The following KIF6 variants were observed in gnomAD, a reference collection of about 807,000 sequenced individuals.
KIF6 encodes the protein kinesin family member 6.
In KIF6, 106 loss-of-function variants were observed where a neutral mutation model predicts 112.7. The observed-to-expected ratio is 0.94, with a 90% CI of 0.80 to 1.11. KIF6 has a LOEUF of 1.11. Ranked by LOEUF, KIF6 falls within the 50% of genes least tolerant of loss-of-function variation. KIF6 has a pLI of 0.00. For synonymous variants in KIF6, 339 were observed against 339.9 expected, an observed-to-expected ratio of 1.00 and a Z score of 0.03; for missense variants, 929 against 964.0, an observed-to-expected ratio of 0.96 and a Z score of 0.48.
intron 13 of KIF6, among the ~76,000 whole-genome samples, chr6:39,537,490 C>T (rs1354295670): frequency 6.6e-6 from 1 of 151,578 alleles, no homozygotes; most frequent in Non-Finnish European, 1.5e-5. Flanking sequence ...AATAAAATAC[C>T]TAGGAATCCA....
chr6:39,596,083 T>TATAC lies in KIF6; in HGVS notation c.813_816dup (p.Ile273ValfsTer27). ...TCTAAGTAATGTAGTGACAAGTTGA[T>TATAC]ATACTTGGCCTCTGTTAGAAGATGG... On this transcript the variant is annotated frameshift_variant, in exon 7 of 23. Transcript: ENST00000287152. LOFTEE classifies it high-confidence loss of function. 1 of 1,614,006 alleles carries TATAC rather than the reference T, an allele frequency of 6.2e-7. No homozygotes were observed. The highest frequency in any genetic ancestry group is 8.5e-7 in the Non-Finnish European group (1 of 1,179,914).
chr6:39,566,444 CTG>C (rs1386920722), intron 10 of KIF6, among the ~76,000 whole-genome samples: 4 of 152,206 alleles, frequency 2.6e-5, no homozygotes, highest in Non-Finnish European at 4.4e-5. Context: ...ATGTGGAACT[CTG>C]TTATGGGTAA....
At chr6:39,623,058 T>C (rs928593087) in intron 5 of KIF6, among the ~76,000 whole-genome samples, 23 of 152,230 alleles carry the variant, frequency 1.5e-4, no homozygotes, top group Admixed American at 1.2e-3. Flanking sequence ...CTAACACAAA[T>C]GTCCAATACT....
intron 6 of KIF6, among the ~76,000 whole-genome samples, chr6:39,605,344 C>G (rs892837271): frequency 6.6e-6 from 1 of 151,880 alleles, no homozygotes; most frequent in African/African-American, 2.4e-5. Context: ...AAAATTCAGC[C>G]TTCGCTTAAA....
intron 13 of KIF6, among the ~76,000 whole-genome samples, chr6:39,502,683 A>G (rs1344228185): frequency 6.6e-6 from 1 of 152,162 alleles, no homozygotes; most frequent in Non-Finnish European, 1.5e-5. Flanking sequence ...GAAAAAAAGC[A>G]GGGTTGCAAT....
At chr6:39,418,988 C>G (rs1770139137) in intron 15 of KIF6, among the ~76,000 whole-genome samples, 1 of 151,912 alleles carries the variant, frequency 6.6e-6, no homozygotes, top group Non-Finnish European at 1.5e-5. Flanking sequence ...TGAAGCTGCC[C>G]TGGGCCTGGG....
chr6:39,649,990 G>A (rs1484258408), intron 3 of KIF6, among the ~76,000 whole-genome samples: 2 of 152,154 alleles, frequency 1.3e-5, no homozygotes, highest in African/African-American at 4.8e-5. Context: ...CACAAAACAG[G>A]ATCAGCAGCT....
At chr6:39,460,622 A>G (rs964032937) in intron 13 of KIF6, among the ~76,000 whole-genome samples, 10 of 151,640 alleles carry the variant, frequency 6.6e-5, no homozygotes, top group Non-Finnish European at 1.3e-4. Flanking sequence ...TTACATTGAC[A>G]GTATACTTTC....
intron 7 of KIF6, among the ~76,000 whole-genome samples, chr6:39,593,689 C>A (rs1283316304): frequency 6.6e-6 from 1 of 152,094 alleles, no homozygotes. Flanking sequence ...CAAATTCATC[C>A]CCCTGGGCTG....
In KIF6 at chr6:39,615,202, AAG is replaced by A. The variant is rs912282331; in HGVS notation, c.510-1886_510-1885del. On this transcript the variant is annotated intron_variant, in intron 5 of 22. Coordinates refer to ENST00000287152, the MANE Select transcript of KIF6 (RefSeq NM_145027.6). ...AAAAAAAATAACTACATAAAATAAAAAGAGAGAGAGAGAAAAGAAGAGAGTTC... is the reference window on the plus strand; with the variant it reads ...AAAAAAAATAACTACATAAAATAAAAAGAGAGAGAGAAAAGAAGAGAGTTC... 2.6e-3 allele frequency among the ~76,000 whole-genome samples: 392 copies of A among 151,956 alleles called. 6 individuals are homozygous for A. The highest frequency in any genetic ancestry group is 5.4e-3 in the South Asian group (26 of 4,798).
At chr6:39,379,700 T>A (rs973059601) in intron 16 of KIF6, among the ~76,000 whole-genome samples, 2 of 152,174 alleles carry the variant, frequency 1.3e-5, no homozygotes, top group African/African-American at 4.8e-5. Context: ...AAAGGAGTTG[T>A]CTTTTTATGC....
chr6:39,363,976 C>T (rs773090343), intron 16 of KIF6, among the ~76,000 whole-genome samples: 17 of 152,188 alleles, frequency 1.1e-4, no homozygotes, highest in South Asian at 4.1e-4. Context: ...AGACATTTCC[C>T]GCTAACTTCT....
intron 13 of KIF6, among the ~76,000 whole-genome samples, chr6:39,535,105 A>G (rs1237818951): frequency 6.6e-6 from 1 of 152,256 alleles, no homozygotes; most frequent in African/African-American, 2.4e-5. Context: ...CCACTGCAAA[A>G]TCATGCCAAA....
chr6:39,543,386 G>T (rs1778900066), intron 12 of KIF6, among the ~76,000 whole-genome samples: 1 of 152,032 alleles, frequency 6.6e-6, no homozygotes, highest in African/African-American at 2.4e-5. Context: ...GTGTGTGTGG[G>T]TGGGGGGGGA....
intron 1 of KIF6, among the ~76,000 whole-genome samples, chr6:39,724,052 G>T (rs889453782): frequency 7.9e-5 from 12 of 152,188 alleles, no homozygotes; most frequent in African/African-American, 2.4e-4. Flanking sequence ...GTGAGAATGA[G>T]AGATAATGCA....
intron 10 of KIF6, among the ~76,000 whole-genome samples, chr6:39,556,641 G>C (rs1582128235): frequency 6.8e-6 from 1 of 148,068 alleles, no homozygotes; most frequent in South Asian, 2.2e-4. Context: ...AAGACGGCCG[G>C]TGGGAGAACA....
At chr6:39,671,089 G>T (rs1786789620) in intron 3 of KIF6, among the ~76,000 whole-genome samples, 4 of 152,184 alleles carry the variant, frequency 2.6e-5, no homozygotes, top group Admixed American at 6.5e-5. Context: ...ACTTCAAGAA[G>T]CTTATAGTTC....
At chr6:39,505,514 A>T (rs1776373582) in intron 13 of KIF6, among the ~76,000 whole-genome samples, 1 of 152,250 alleles carries the variant, frequency 6.6e-6, no homozygotes, top group Non-Finnish European at 1.5e-5. Flanking sequence ...GTCTAATTAA[A>T]CTAAACAGCT....
At chr6:39,397,527 G>A (rs1481024961) in intron 15 of KIF6, among the ~76,000 whole-genome samples, 10 of 148,744 alleles carry the variant, frequency 6.7e-5, no homozygotes, top group South Asian at 2.1e-4. Context: ...GAAGAACATC[G>A]TTTCCCCCTC....
Sources: gnomAD v4.1 joint callset for allele counts (sites outside exome capture counted in the v4.1 genomes callset) on GRCh38, gnomAD v4.1.1 for gene constraint, MANE v1.5 for transcripts, NCBI Gene and HGNC (gene_info 2026-07-23, HGNC 2026-07-21) for gene names.